The following TAMM41 variants were observed in gnomAD, a reference collection of about 807,000 sequenced individuals.
TAMM41 encodes the protein TAM41 mitochondrial translocator assembly and maintenance homolog.
A neutral mutation model predicts 44.1 loss-of-function variants in TAMM41; 36 were observed. The observed-to-expected ratio is 0.82, with a 90% CI of 0.63 to 1.08. The LOEUF (loss-of-function observed/expected upper bound fraction) is 1.08. Among genes scored for constraint, TAMM41 ranks in the 50% least tolerant of loss-of-function variants. The pLI is 0.00. For missense variants in TAMM41, 417 were observed against 404.3 expected (o/e 1.03, Z -0.27); for synonymous variants, 164 against 153.1 (o/e 1.07, Z -0.53).
downstream of TAMM41, among the ~76,000 whole-genome samples, chr3:11,787,399 G>T (rs538203522): frequency 6.6e-6 from 1 of 152,242 alleles, no homozygotes; most frequent in South Asian, 2.1e-4. Flanking sequence ...TCCAGTCCAG[G>T]GATGTTAGCA....
rs993543751 is a variant in TAMM41 at position 11,811,756 on chromosome 3, C to T, written c.709-2074G>A. The stretch of plus-strand genomic sequence containing the variant: ...GTCCAGAACAGAAAAATTACAGAGA[C>T]AGAAGTGGATTAGTGGTTGCCTGGG... On this transcript the variant is annotated intron_variant, in intron 5 of 7. Transcript: ENST00000455809. Among the ~76,000 whole-genome samples the T allele has an allele frequency of 2.6e-5, 4 of 152,066 alleles. No homozygotes were observed. The South Asian group carries it at 8.3e-4, about 32-fold the overall frequency.
Position 11,793,125 on chromosome 3 carries a change from T to G in TAMM41, c.938-2544A>C, listed in dbSNP as rs372732958. ...AGCCACGGAGTGGGGGATTTTGACATCACATGTATCCAACAATGGAGTTGT... is the reference window on the plus strand; with the variant it reads ...AGCCACGGAGTGGGGGATTTTGACAGCACATGTATCCAACAATGGAGTTGT... On this transcript the variant is annotated intron_variant, in intron 7 of 7. Transcript: ENST00000455809. 7.1e-5 allele frequency among the ~76,000 whole-genome samples: 10 copies of G among 141,832 alleles called. No individual in the cohort carries two copies. In the East Asian group the frequency reaches 1.4e-3, roughly 19 times the overall value. The allele number at this position is 141,832 out of a possible 152,430, so 93.0% of individuals were successfully genotyped here. A position where few individuals can be genotyped will look rare whatever the true frequency, so the allele number is the denominator to read the frequency against.
rs755024372 is a variant in TAMM41 at position 11,809,571 on chromosome 3, C to T, written c.820G>A (p.Glu274Lys). 2 of 1,614,112 alleles carry T rather than the reference C, an allele frequency of 1.2e-6. No individual in the cohort carries two copies. The highest frequency in any genetic ancestry group is 8.5e-7 in the Non-Finnish European group (1 of 1,180,014). Residue 274 changes from glutamate to lysine, a missense_variant, in exon 6 of 8, where the codon GAA (glutamate) becomes AAA (lysine). By Grantham distance (56) the Glu-to-Lys change is moderately conservative (BLOSUM62 1). Transcript: ENST00000455809. ...TCATGAGCCACTTGGAATAAAGTTT[C>T]TTCCACATCTCTGTTTTTTCCAGGA... ...DPPGKNRDVEETLFQVAHDPD... is the reference protein window; with the variant it reads ...DPPGKNRDVEKTLFQVAHDPD...
Position 11,839,206 on chromosome 3 carries a change from C to T in TAMM41, c.411+16G>A. On this transcript the variant is annotated intron_variant, in intron 3 of 7. Transcript: ENST00000455809. Reference sequence around the variant, plus strand: ...AGGAAAGGCATCCTTAACTGTGCAGCCTATAAAACACTCACCGGTTTTTGG... The same window carrying T: ...AGGAAAGGCATCCTTAACTGTGCAGTCTATAAAACACTCACCGGTTTTTGG... 1.3e-6 allele frequency: 2 copies of T among 1,569,684 alleles called. No individual in the cohort carries two copies. The highest frequency in any genetic ancestry group is 1.8e-6 in the Non-Finnish European group (2 of 1,141,798).
At chr3:11,767,865 C>T in the TAMM41 span, among the ~76,000 whole-genome samples, 17 of 150,002 alleles carry the variant, frequency 1.1e-4, no homozygotes, top group South Asian at 4.3e-4. Context: ...CCTCGTGATC[C>T]GCCCGCCTCG....
intron 5 of TAMM41, among the ~76,000 whole-genome samples, chr3:11,813,782 T>G (rs2124972092): frequency 6.6e-6 from 1 of 151,520 alleles, no homozygotes; most frequent in Admixed American, 6.6e-5. Flanking sequence ...GGACCCTGTC[T>G]CTACAAAAAA....
At chr3:11,807,478 A>G in intron 7 of TAMM41, 1 of 1,536,188 alleles carries the variant, frequency 6.5e-7, no homozygotes, top group Admixed American at 2.0e-5. Flanking sequence ...CAGTTGTCTC[A>G]GAGAAGGGGA....
At chr3:11,728,343 A>G in the TAMM41 span, among the ~76,000 whole-genome samples, 1 of 152,186 alleles carries the variant, frequency 6.6e-6, no homozygotes, top group Non-Finnish European at 1.5e-5. Context: ...TCTAGTGGGT[A>G]CTCAGTTCAA....
chr3:11,844,288 C>T, intron 1 of TAMM41, 77 bp from the exon 2 acceptor site: 5 of 1,372,212 alleles, frequency 3.6e-6, no homozygotes, highest in East Asian at 2.4e-5. Flanking sequence ...AAAGCTCTAA[C>T]ATACTACGCA....
intron 4 of TAMM41, among the ~76,000 whole-genome samples, chr3:11,819,349 T>C (rs1022299707): frequency 2.6e-5 from 4 of 152,228 alleles, no homozygotes; most frequent in Non-Finnish European, 5.9e-5. Flanking sequence ...GATAGGATTC[T>C]ATCCCCATTC....
At chr3:11,840,613 G>A (rs1206227613) in intron 2 of TAMM41, among the ~76,000 whole-genome samples, 1 of 151,738 alleles carries the variant, frequency 6.6e-6, no homozygotes, top group Non-Finnish European at 1.5e-5. Context: ...AACCCACCAG[G>A]CAATTACAAG....
At chr3:11,757,320 G>A in the TAMM41 span, among the ~76,000 whole-genome samples, 1 of 152,182 alleles carries the variant, frequency 6.6e-6, no homozygotes, top group African/African-American at 2.4e-5. Context: ...AATTCTGAGT[G>A]GACTCAGAGT....
the TAMM41 span, among the ~76,000 whole-genome samples, chr3:11,739,567 G>A: frequency 1.3e-5 from 2 of 151,802 alleles, no homozygotes; most frequent in South Asian, 2.1e-4. Context: ...AGCTACTCGG[G>A]TGGCCGAGGA....
chr3:11,794,161 T>TA (rs1559265151), intron 7 of TAMM41, among the ~76,000 whole-genome samples: 1 of 151,644 alleles, frequency 6.6e-6, no homozygotes, highest in African/African-American at 2.4e-5. Flanking sequence ...TTTTTTTTTT[T>TA]TTTTTTACTC....
At chr3:11,776,124 C>A in the TAMM41 span, among the ~76,000 whole-genome samples, 24 of 151,282 alleles carry the variant, frequency 1.6e-4, no homozygotes, top group Admixed American at 1.5e-3. Context: ...TGCCATTCTC[C>A]TGCCTCAGCC....
chr3:11,725,327 CCTTTTTTTCTT>C, the TAMM41 span, among the ~76,000 whole-genome samples: 5 of 135,862 alleles, frequency 3.7e-5, no homozygotes, highest in African/African-American at 1.3e-4. Context: ...TCCTCCTCCT[CCTTTTTTTCTT>C]CTCCTCCTCC....
At chr3:11,740,044 T>G in the TAMM41 span, among the ~76,000 whole-genome samples, 2 of 152,064 alleles carry the variant, frequency 1.3e-5, no homozygotes, top group Non-Finnish European at 1.5e-5. Flanking sequence ...CTAAAATTAC[T>G]TTTTTGGAGA....
rs772425354 is a variant in TAMM41, at chr3:11,844,098, A to C, written c.249T>G (p.Ile83Met). The change falls in exon 2 of 8, where the codon ATT becomes ATG. Residue 83 changes from isoleucine (I) to methionine (M), a missense_variant. Transcript: ENST00000455809. The stretch of plus-strand genomic sequence containing the variant: ...CATAGTTATTCTGGATGGACGTGAT[A>C]ATCTTGGGCCCTAAAACTTTTAGGA... ...YSFLKVLGPK[I>M]ITSIQNNYGA... The C allele has an allele frequency of 3.1e-6, 5 of 1,614,224 alleles. No homozygotes were observed. In the East Asian group the frequency reaches 1.1e-4, roughly 36 times the overall value.
chr3:11,824,142 A>T (rs1012519495), intron 4 of TAMM41, among the ~76,000 whole-genome samples: 19 of 150,962 alleles, frequency 1.3e-4, no homozygotes, highest in Non-Finnish European at 2.1e-4. Flanking sequence ...ATTGTATTTT[A>T]AAAATTCTTT....
Sources: gnomAD v4.1 joint callset for allele counts (sites outside exome capture counted in the v4.1 genomes callset) on GRCh38, gnomAD v4.1.1 for gene constraint, MANE v1.5 for transcripts, NCBI Gene and HGNC (gene_info 2026-07-23, HGNC 2026-07-21) for gene names.